JADE2: variants seen among roughly 807,000 people sequenced by gnomAD.
JADE2 encodes the protein jade family PHD finger 2.
A neutral mutation model predicts 85.7 loss-of-function variants in JADE2; 13 were observed. The ratio of observed to expected loss-of-function variants is 0.15; its 90% CI spans 0.10 to 0.24. The LOEUF (loss-of-function observed/expected upper bound fraction) is 0.24. Ranked by LOEUF, JADE2 falls within the 10% of genes least tolerant of loss-of-function variation. The pLI, the probability that JADE2 is intolerant of heterozygous loss-of-function variation, is 1.00. For synonymous variants in JADE2, 440 were observed against 456.1 expected (o/e 0.96, Z 0.45); for missense variants, 846 against 1,115.9 (o/e 0.76, Z 3.45).
chr5:134,564,658 A>G (rs1463341823), intron 8 of JADE2, 48 bp downstream of exon 8: 2 of 1,255,616 alleles, frequency 1.6e-6, no homozygotes, highest in East Asian at 2.7e-5. Context: ...GCTGAGAGGC[A>G]TGCTTGGGGC....
At chr5:134,559,697 G>A in intron 4 of JADE2, 133 bp from the exon 5 acceptor site, 1 of 770,658 alleles carries the variant, frequency 1.3e-6, no homozygotes, top group Non-Finnish European at 2.0e-6. Context: ...GGGGGTGGAA[G>A]GAGGTGGGCC....
At chr5:134,531,683 A>G (rs556518667) in intron 1 of JADE2, among the ~76,000 whole-genome samples, 2 of 151,842 alleles carry the variant, frequency 1.3e-5, no homozygotes, top group African/African-American at 4.8e-5. Context: ...CCCAGGTTCA[A>G]GCAATTCTCT....
chr5:134,547,264 C>T (rs1204817804), intron 3 of JADE2, among the ~76,000 whole-genome samples: 4 of 152,216 alleles, frequency 2.6e-5, no homozygotes, highest in African/African-American at 9.7e-5. Flanking sequence ...GCTGCATTGG[C>T]ACCCCTAGCA....
chr5:134,566,621 T>A lies in JADE2; in HGVS notation c.1434+41T>A, dbSNP rs773011044. 24 of 1,389,736 alleles carry A rather than the reference T, an allele frequency of 1.7e-5. No homozygotes were observed. In the South Asian group the frequency reaches 2.8e-4, roughly 16 times the overall value. 86.1% of individuals were successfully genotyped at this position (1,389,736 alleles called of 1,614,324 possible). A position where few individuals can be genotyped will look rare whatever the true frequency, so the allele number is the denominator to read the frequency against. On this transcript the variant is annotated intron_variant, in intron 9 of 11. Transcript: ENST00000681547. The surrounding 1 kb of genome is among the most constrained non-coding windows in gnomAD (Gnocchi z 6.7). ...GCCTGCCCACCCCCTGCCTGGTGGG[T>A]CCAGGAGTCCTTTCCATGCCACACT...
At chr5:134,536,175 C>G (rs1251043483) in intron 2 of JADE2, among the ~76,000 whole-genome samples, 1 of 152,144 alleles carries the variant, frequency 6.6e-6, no homozygotes, top group African/African-American at 2.4e-5. Context: ...TTGTTTTGCT[C>G]TGGTTGGAAC....
Position 134,566,204 on chromosome 5 carries a change from A to G in JADE2, c.1058A>G (p.Asp353Gly). ...LEMRTILADN[D>G]EVKFKSFCQE... ...ATGCGGACTATATTAGCAGACAACG[A>G]TGAGGTCAAGTTCAAGTCATTCTGC... Residue 353 changes from aspartate (D) to glycine (G), a missense_variant, in exon 9 of 12, where the codon GAT (aspartate) becomes GGT (glycine). This residue lies in a region of JADE2 where 39 missense variants were observed against 37.6 expected (regional missense o/e 1.04). Transcript: ENST00000681547. The surrounding 1 kb of genome is among the most constrained non-coding windows in gnomAD (Gnocchi z 6.7). 1 of 1,614,100 alleles carries G rather than the reference A, an allele frequency of 6.2e-7. No individual in the cohort carries two copies. Among genetic ancestry groups the G allele is most frequent in the Non-Finnish European group, 8.5e-7 (1 of 1,180,018 alleles).
chr5:134,570,244 G>GTCCC (rs1763907102), intron 9 of JADE2, among the ~76,000 whole-genome samples: 5 of 152,082 alleles, frequency 3.3e-5, no homozygotes, highest in Admixed American at 2.0e-4. Flanking sequence ...TCAGGACAGC[G>GTCCC]TCCCCTCTGT....
At chr5:134,568,609 CAG>C (rs1176198585) in intron 9 of JADE2, among the ~76,000 whole-genome samples, 2 of 152,220 alleles carry the variant, frequency 1.3e-5, no homozygotes, top group African/African-American at 4.8e-5. Context: ...TCTTACGGCT[CAG>C]GGGGCCCTGT....
intron 4 of JADE2, among the ~76,000 whole-genome samples, chr5:134,554,207 A>G (rs1021052535): frequency 6.6e-6 from 1 of 152,022 alleles, no homozygotes; most frequent in African/African-American, 2.4e-5. Flanking sequence ...ATCTGTGGGG[A>G]TTGGAAGGGG....
At chr5:134,538,866 T>G (rs1761766963) in intron 3 of JADE2, among the ~76,000 whole-genome samples, 1 of 151,452 alleles carries the variant, frequency 6.6e-6, no homozygotes. Flanking sequence ...GGCTCTTTTT[T>G]TTTTTTTGGA....
intron 3 of JADE2, among the ~76,000 whole-genome samples, chr5:134,540,755 C>T (rs1219955436): frequency 6.6e-6 from 1 of 152,134 alleles, no homozygotes; most frequent in Non-Finnish European, 1.5e-5. Flanking sequence ...CTAGGGTTGG[C>T]TTATCTCCTT....
chr5:134,569,118 G>A (rs1763834973), intron 9 of JADE2, among the ~76,000 whole-genome samples: 1 of 152,192 alleles, frequency 6.6e-6, no homozygotes, highest in South Asian at 2.1e-4. Flanking sequence ...CTGACCTTGG[G>A]GTCACAGTGC....
At chr5:134,577,689 C>A (rs1341463284) in intron 11 of JADE2, among the ~76,000 whole-genome samples, 2 of 152,104 alleles carry the variant, frequency 1.3e-5, no homozygotes, top group African/African-American at 4.8e-5. Context: ...AGACCCTGTT[C>A]CTTCATTTCA....
intron 6 of JADE2, among the ~76,000 whole-genome samples, chr5:134,561,463 T>C (rs985844413): frequency 2.6e-5 from 4 of 152,232 alleles, no homozygotes; most frequent in African/African-American, 9.6e-5. Context: ...TAGTAAGGGC[T>C]ATATGTATTT....
chr5:134,532,701 C>G (rs1006695573), intron 1 of JADE2, among the ~76,000 whole-genome samples: 2 of 152,124 alleles, frequency 1.3e-5, no homozygotes, highest in Non-Finnish European at 2.9e-5. Flanking sequence ...CTCCACCCCC[C>G]AAGTGTGTTT....
intron 4 of JADE2, among the ~76,000 whole-genome samples, chr5:134,556,767 C>T (rs577165959): frequency 2.0e-4 from 29 of 144,034 alleles, no homozygotes; most frequent in Non-Finnish European, 3.3e-4. Flanking sequence ...TGCACACGCA[C>T]GCACACCACA....
chr5:134,579,109 G>T lies in JADE2; in HGVS notation c.2297G>T (p.Gly766Val), dbSNP rs950209194. The T allele has an allele frequency of 6.8e-6, 11 of 1,614,066 alleles. No individual in the cohort carries two copies. The African/African-American group carries it at 1.5e-4, about 22-fold the overall frequency. ...RESKVTRRLP[G>V]ARPDAGMGPP... The stretch of plus-strand genomic sequence containing the variant: ...AGCAAGGTAACCCGGAGATTGCCGG[G>T]TGCCAGGCCTGATGCTGGGATGGGA... The change falls in exon 12 of 12, where the codon GGT becomes GTT. Residue 766 changes from glycine to valine, a missense_variant. Physicochemically the swap from Gly to Val is moderately radical, Grantham distance 109. Transcript: ENST00000681547. This position sits in a 1 kb window ranked among gnomAD's most constrained non-coding sequence, Gnocchi z 4.6.
At chr5:134,577,979 G>A (rs945179790) in intron 11 of JADE2, among the ~76,000 whole-genome samples, 20 of 152,120 alleles carry the variant, frequency 1.3e-4, no homozygotes, top group Admixed American at 7.9e-4. Flanking sequence ...GCGGCCTGAG[G>A]GCATTTTCCT....
intron 2 of JADE2, among the ~76,000 whole-genome samples, chr5:134,537,171 A>G (rs1409585256): frequency 6.6e-6 from 1 of 152,210 alleles, no homozygotes; most frequent in Non-Finnish European, 1.5e-5. Flanking sequence ...TGAGAGAGCC[A>G]GGTACCTGCA....
Sources: gnomAD v4.1 joint callset for allele counts (sites outside exome capture counted in the v4.1 genomes callset) on GRCh38, gnomAD v4.1.1 for gene constraint, gnomAD v4.1.1 regional missense constraint, Gnocchi (gnomAD v3.1) non-coding constraint, MANE v1.5 for transcripts, NCBI Gene and HGNC (gene_info 2026-07-23, HGNC 2026-07-21) for gene names.